TAFA1: variants seen among roughly 807,000 people sequenced by gnomAD.
TAFA1 encodes chemokine-like protein TAFA-1.
TAFA1 carries 4 observed loss-of-function variants against 18.5 expected under a neutral mutation model. The ratio of observed to expected loss-of-function variants is 0.22; its 90% CI spans 0.11 to 0.49. The LOEUF (loss-of-function observed/expected upper bound fraction) is 0.49, where lower values mean the gene tolerates loss of function less well. Ranked by LOEUF, TAFA1 falls within the 20% of genes least tolerant of loss-of-function variation. The pLI is 0.98. For missense variants in TAFA1, 147 were observed against 169.0 expected (o/e 0.87, Z 0.72); for synonymous variants, 56 against 55.2 (o/e 1.01, Z -0.06).
rs147077082 is a variant in TAFA1 at position 68,145,103 on chromosome 3, C to T, written c.118+138359C>T. The T allele has an allele frequency of 1.9e-4, 210 of 1,108,230 alleles. No homozygotes were observed. The African/African-American group carries it at 2.7e-3, about 14-fold the overall frequency. The allele number at this position is 1,108,230 out of a possible 1,614,324, so 68.6% of individuals were successfully genotyped here. ...CGAGGCCCCTGGAGGAATTGCTACA[C>T]CCCCAGTGTATGGTCAGCGTCTAGC... is the stretch of plus-strand genomic sequence containing the variant. On this transcript the variant is annotated intron_variant, in intron 2 of 4. Coordinates refer to ENST00000478136, the MANE Select transcript of TAFA1 (RefSeq NM_213609.4).
chr3:68,354,522 C>T (rs190301359), intron 2 of TAFA1, among the ~76,000 whole-genome samples: 38 of 151,978 alleles, frequency 2.5e-4, no homozygotes, highest in African/African-American at 9.2e-4. Flanking sequence ...TCTTGCTATA[C>T]AGTGAAGAGA....
At chr3:68,289,974 G>A (rs1231991793) in intron 2 of TAFA1, among the ~76,000 whole-genome samples, 2 of 152,184 alleles carry the variant, frequency 1.3e-5, no homozygotes, top group East Asian at 3.8e-4. Flanking sequence ...GCACCCAGGT[G>A]CCTTGACTCT....
chr3:68,290,123 T>C (rs1194577343), intron 2 of TAFA1, among the ~76,000 whole-genome samples: 2 of 152,224 alleles, frequency 1.3e-5, no homozygotes, highest in Admixed American at 1.3e-4. Context: ...AACAACCCTC[T>C]TGATAATTTA....
In TAFA1 at chr3:68,237,502, C is replaced by T. The variant is rs535052030; in HGVS notation, c.119-179778C>T. 7.9e-4 allele frequency among the ~76,000 whole-genome samples: 121 copies of T among 152,240 alleles called. 2 individuals are homozygous for T. The highest frequency in any genetic ancestry group is 2.1e-3 in the South Asian group (10 of 4,824). ...TTGACTCAGTTGGTTTTTAATGCTA[C>T]GCACACATCAGGTACAAATGGATAA... On this transcript the variant is annotated intron_variant, in intron 2 of 4. Transcript: ENST00000478136.
chr3:68,360,274 C>A (rs2069445025), intron 2 of TAFA1, among the ~76,000 whole-genome samples: 1 of 151,960 alleles, frequency 6.6e-6, no homozygotes, highest in African/African-American at 2.4e-5. Context: ...TTTTGAGCAA[C>A]CATTTGAGCA....
chr3:68,338,464 A>G (rs2069014599), intron 2 of TAFA1, among the ~76,000 whole-genome samples: 1 of 152,226 alleles, frequency 6.6e-6, no homozygotes, highest in South Asian at 2.1e-4. Context: ...GCTATCTAAT[A>G]AAAATAACAC....
Position 68,075,889 on chromosome 3 carries a change from G to A in TAFA1, c.118+69145G>A, listed in dbSNP as rs184988344. ...GTTTTGCATTTTTCGCAGAGATGGG[G>A]TTTCACCATGTTTCCCAGGCTGGTC... On this transcript the variant is annotated intron_variant, in intron 2 of 4. Transcript: ENST00000478136. 2.5e-3 allele frequency among the ~76,000 whole-genome samples: 379 copies of A among 152,150 alleles called. 2 individuals are homozygous for A. The highest frequency in any genetic ancestry group is 8.8e-3 in the African/African-American group (366 of 41,498).
chr3:68,109,740 A>G (rs1250279650), intron 2 of TAFA1, among the ~76,000 whole-genome samples: 1 of 152,134 alleles, frequency 6.6e-6, no homozygotes, highest in Non-Finnish European at 1.5e-5. Context: ...CAAATAAACT[A>G]AGGAAGGAAC....
intron 2 of TAFA1, among the ~76,000 whole-genome samples, chr3:68,140,953 A>G (rs1175701249): frequency 6.6e-6 from 1 of 152,194 alleles, no homozygotes; most frequent in Non-Finnish European, 1.5e-5. Context: ...ATAATTTGTT[A>G]AAGTGACTTC....
At chr3:68,295,660 A>C (rs896827614) in intron 2 of TAFA1, among the ~76,000 whole-genome samples, 66 of 152,268 alleles carry the variant, frequency 4.3e-4, no homozygotes, top group African/African-American at 1.6e-3. Flanking sequence ...AGGCTGGAGT[A>C]CAGTGATGTC....
intron 2 of TAFA1, among the ~76,000 whole-genome samples, chr3:68,290,833 CTTG>C (rs1013004193): frequency 2.0e-4 from 30 of 151,860 alleles, no homozygotes; most frequent in African/African-American, 7.0e-4. Flanking sequence ...AAAGAAATTA[CTTG>C]TTATCAACTG....
intron 2 of TAFA1, among the ~76,000 whole-genome samples, chr3:68,329,696 A>G (rs1575781540): frequency 6.6e-6 from 1 of 152,198 alleles, no homozygotes; most frequent in Non-Finnish European, 1.5e-5. Context: ...GCTGCTGGTT[A>G]ACCTTACACT....
chr3:68,479,881 C>T (rs761792028), intron 3 of TAFA1, among the ~76,000 whole-genome samples: 6 of 148,598 alleles, frequency 4.0e-5, no homozygotes, highest in Non-Finnish European at 5.9e-5. Flanking sequence ...CACACGCATA[C>T]ACACACACAC....
At chr3:68,085,274 A>C (rs934621648) in intron 2 of TAFA1, among the ~76,000 whole-genome samples, 5 of 152,238 alleles carry the variant, frequency 3.3e-5, no homozygotes, top group African/African-American at 1.2e-4. Context: ...CAATTAAAGA[A>C]AGCTAACAGT....
At chr3:68,264,239 C>T (rs936440768) in intron 2 of TAFA1, among the ~76,000 whole-genome samples, 11 of 152,084 alleles carry the variant, frequency 7.2e-5, no homozygotes, top group African/African-American at 1.4e-4. Context: ...CACCGCACTC[C>T]AGCCTGGGCA....
chr3:67,992,823 G>C, the TAFA1 span, among the ~76,000 whole-genome samples: 1 of 152,042 alleles, frequency 6.6e-6, no homozygotes, highest in Non-Finnish European at 1.5e-5. Flanking sequence ...TGCTTCCCCA[G>C]GTAACCTTTT....
At chr3:68,451,367 A>T (rs2071564573) in intron 3 of TAFA1, among the ~76,000 whole-genome samples, 1 of 152,198 alleles carries the variant, frequency 6.6e-6, no homozygotes, top group Admixed American at 6.6e-5. Context: ...CAGAGGGTAA[A>T]GACTAGAGCA....
At chr3:68,045,867 C>G (rs1049034105) in intron 2 of TAFA1, among the ~76,000 whole-genome samples, 1 of 152,142 alleles carries the variant, frequency 6.6e-6, no homozygotes. Context: ...GCTGAGGACA[C>G]TTTGTACTTT....
intron 2 of TAFA1, among the ~76,000 whole-genome samples, chr3:68,319,676 A>C (rs2068666442): frequency 6.6e-6 from 1 of 152,228 alleles, no homozygotes; most frequent in Admixed American, 6.5e-5. Context: ...CCTTTAGGTA[A>C]AATCACTTTT....
Sources: gnomAD v4.1 joint callset for allele counts (sites outside exome capture counted in the v4.1 genomes callset) on GRCh38, gnomAD v4.1.1 for gene constraint, MANE v1.5 for transcripts, NCBI Gene and HGNC (gene_info 2026-07-23, HGNC 2026-07-21) for gene names.